SYCP1: variants seen among roughly 807,000 people sequenced by gnomAD.
The protein encoded by SYCP1 is cancer/testis antigen 8.
SYCP1 carries 64 observed loss-of-function variants against 153.1 expected under a neutral mutation model. That is an observed-to-expected ratio of 0.42 (90% CI 0.34 to 0.51). SYCP1 has a LOEUF of 0.51. Ranked by LOEUF, SYCP1 falls within the 20% of genes least tolerant of loss-of-function variation. The probability of loss-of-function intolerance (pLI) is 0.06; values close to 1 mark genes in which losing one functional copy is unlikely to be tolerated. For missense variants in SYCP1, 997 were observed against 1,049.0 expected (o/e 0.95, Z 0.68); for synonymous variants, 384 against 341.8 (o/e 1.12, Z -1.36).
intron 16 of SYCP1, among the ~76,000 whole-genome samples, chr1:114,903,005 C>T (rs1269365272): frequency 6.6e-6 from 1 of 151,998 alleles, no homozygotes; most frequent in African/African-American, 2.4e-5. Flanking sequence ...TATGGCAAAA[C>T]CCTGTCTCTA....
chr1:114,856,425 T>C (rs1417440214), intron 2 of SYCP1, 148 bp from the exon 3 acceptor site: 2 of 455,404 alleles, frequency 4.4e-6, no homozygotes, highest in African/African-American at 4.0e-5. Flanking sequence ...AAAAGGCATT[T>C]GATATTTTAA....
chr1:114,994,600 C>A, intron 30 of SYCP1, 98 bp from the exon 31 acceptor site: 1 of 853,644 alleles, frequency 1.2e-6, no homozygotes, highest in Non-Finnish European at 1.7e-6. Context: ...CCTCTTTCTA[C>A]TCTTTGTTCT....
rs1485484806 is a variant in SYCP1, at chr1:114,946,277, T to G, written c.2155-12T>G. 1 of 1,469,656 alleles carries G rather than the reference T, an allele frequency of 6.8e-7. No individual in the cohort carries two copies. Among genetic ancestry groups the G allele is most frequent in the Non-Finnish European group, 9.2e-7 (1 of 1,092,664 alleles). 91.0% of individuals were successfully genotyped at this position (1,469,656 alleles called of 1,614,324 possible). On this transcript the variant is annotated splice_polypyrimidine_tract_variant and intron_variant, in intron 25 of 31. Coordinates refer to ENST00000369522, the MANE Select transcript of SYCP1 (RefSeq NM_003176.4). ...TTTAATATATCTAAAATGTCTTCTTTGTTTAATATAGCACCAATATGATAA... is the reference window on the plus strand; with the variant it reads ...TTTAATATATCTAAAATGTCTTCTTGGTTTAATATAGCACCAATATGATAA...
intron 27 of SYCP1, among the ~76,000 whole-genome samples, chr1:114,958,518 A>G (rs1671574996): frequency 6.6e-6 from 1 of 152,172 alleles, no homozygotes; most frequent in African/African-American, 2.4e-5. Context: ...ATTATTATGT[A>G]TCATATACAG....
At chr1:114,992,457 A>G (rs1160467020) in intron 30 of SYCP1, among the ~76,000 whole-genome samples, 1 of 151,706 alleles carries the variant, frequency 6.6e-6, no homozygotes, top group East Asian at 1.9e-4. Flanking sequence ...AGGCAGACCA[A>G]TGGAATAGAA....
chr1:114,869,835 G>C (rs1291131224), intron 8 of SYCP1, among the ~76,000 whole-genome samples: 1 of 152,098 alleles, frequency 6.6e-6, no homozygotes, highest in Non-Finnish European at 1.5e-5. Context: ...TGCCTGCTGG[G>C]TCTGTCCATT....
chr1:114,913,162 A>G lies in SYCP1; in HGVS notation c.1647+12A>G, dbSNP rs746409733. 3.8e-6 allele frequency: 6 copies of G among 1,596,724 alleles called. No homozygotes were observed. The highest frequency in any genetic ancestry group is 2.2e-5 in the East Asian group (1 of 44,648). On this transcript the variant is annotated intron_variant, in intron 19 of 31. Transcript: ENST00000369522. ...AAGAAGATATTAATGTGAGTTGAAAAAGAAAGTGCTGGTGACTTAGTTTTC... is the reference window on the plus strand; with the variant it reads ...AAGAAGATATTAATGTGAGTTGAAAGAGAAAGTGCTGGTGACTTAGTTTTC...
At chr1:114,910,672 C>T (rs1436826948) in intron 17 of SYCP1, among the ~76,000 whole-genome samples, 171 bp downstream of exon 17, 1 of 151,956 alleles carries the variant, frequency 6.6e-6, no homozygotes. Flanking sequence ...CTAGACAACC[C>T]CCATATTATA....
chr1:114,871,438 G>A, intron 8 of SYCP1, among the ~76,000 whole-genome samples: 1 of 152,074 alleles, frequency 6.6e-6, no homozygotes, highest in East Asian at 1.9e-4. Context: ...AAAGTGCTGA[G>A]ATTATGGGCT....
intron 27 of SYCP1, among the ~76,000 whole-genome samples, chr1:114,971,618 C>G (rs1399617573): frequency 6.6e-6 from 1 of 152,132 alleles, no homozygotes; most frequent in Non-Finnish European, 1.5e-5. Context: ...CTTCTATACC[C>G]AGTTTTATTG....
Position 114,855,592 on chromosome 1 carries a change from T to C in SYCP1, c.108+20T>C, listed in dbSNP as rs778476804. ...TTCAAGGTAAATTTCCATGTGACTCTTAATTGGACTCTTCTTAACTTTAGG... is the reference window on the plus strand; with the variant it reads ...TTCAAGGTAAATTTCCATGTGACTCCTAATTGGACTCTTCTTAACTTTAGG... On this transcript the variant is annotated intron_variant, in intron 2 of 31. Transcript: ENST00000369522. 7.2e-5 allele frequency: 112 copies of C among 1,549,010 alleles called. No individual in the cohort carries two copies. The Admixed American group carries it at 1.9e-3, about 27-fold the overall frequency.
chr1:114,878,347 A>C, intron 12 of SYCP1, 145 bp downstream of exon 12: 1 of 555,060 alleles, frequency 1.8e-6, no homozygotes, highest in South Asian at 2.3e-5. Context: ...GGAGGGCATA[A>C]TAGATTAACC....
intron 21 of SYCP1, among the ~76,000 whole-genome samples, chr1:114,925,275 T>C (rs1357981085): frequency 6.6e-6 from 1 of 152,174 alleles, no homozygotes; most frequent in Non-Finnish European, 1.5e-5. Flanking sequence ...CTGCAGATCA[T>C]TAAGCCTGTT....
intron 15 of SYCP1, among the ~76,000 whole-genome samples, chr1:114,889,064 C>T (rs1417235849): frequency 6.6e-6 from 1 of 152,132 alleles, no homozygotes; most frequent in Non-Finnish European, 1.5e-5. Flanking sequence ...CGTAGTATTC[C>T]ATGATGTATA....
chr1:114,927,770 T>C (rs1332722502), intron 23 of SYCP1, among the ~76,000 whole-genome samples: 2 of 152,070 alleles, frequency 1.3e-5, no homozygotes, highest in Non-Finnish European at 2.9e-5. Flanking sequence ...CAAGTATTTT[T>C]AAGTGTGTAA....
intron 12 of SYCP1, among the ~76,000 whole-genome samples, chr1:114,884,301 CTG>C (rs1467968757): frequency 6.6e-6 from 1 of 152,186 alleles, no homozygotes; most frequent in Admixed American, 6.5e-5. Context: ...TCTATCTCTT[CTG>C]TGTTTTCCTT....
chr1:114,857,294 A>G lies in SYCP1; in HGVS notation c.237+19A>G, dbSNP rs1190346834. The G allele has an allele frequency of 1.3e-6, 2 of 1,597,420 alleles. No homozygotes were observed. Among genetic ancestry groups the G allele is most frequent in the Admixed American group, 1.7e-5 (1 of 57,974 alleles). On this transcript the variant is annotated intron_variant, in intron 4 of 31. Transcript: ENST00000369522. Reference sequence around the variant, plus strand: ...TGAGCAGGTCAGTTAAGCATAGTACATGTAGATATAATCTGTTTAGGTAAT... The same window carrying G: ...TGAGCAGGTCAGTTAAGCATAGTACGTGTAGATATAATCTGTTTAGGTAAT...
intron 30 of SYCP1, among the ~76,000 whole-genome samples, chr1:114,991,004 A>G (rs926418102): frequency 4.6e-5 from 7 of 152,090 alleles, no homozygotes; most frequent in African/African-American, 1.4e-4. Flanking sequence ...CTTTATCTGT[A>G]TCCCTTGCAT....
At position 114,858,418 on chromosome 1, in the gene SYCP1, T is replaced by G. The variant is rs899072856; in HGVS notation, c.292-129T>G. On this transcript the variant is annotated intron_variant, in intron 5 of 31. Coordinates refer to ENST00000369522, the MANE Select transcript of SYCP1 (RefSeq NM_003176.4). ...AAAAGAGTTAATGTGGCTTTCAGTA[T>G]GCTATTAGTGCTTAAATTGAGGAGA... The G allele has an allele frequency of 2.2e-5, 14 of 630,182 alleles. No homozygotes were observed. In the African/African-American group the frequency reaches 2.4e-4, roughly 11 times the overall value. 39.0% of individuals were successfully genotyped at this position (630,182 alleles called of 1,614,324 possible).
Sources: gnomAD v4.1 joint callset for allele counts (sites outside exome capture counted in the v4.1 genomes callset) on GRCh38, gnomAD v4.1.1 for gene constraint, MANE v1.5 for transcripts, NCBI Gene and HGNC (gene_info 2026-07-23, HGNC 2026-07-21) for gene names.